MTTP: variants seen among roughly 807,000 people sequenced by gnomAD.
MTTP encodes the protein microsomal triglyceride transfer protein large subunit.
A neutral mutation model predicts 90.6 loss-of-function variants in MTTP; 49 were observed. That is an observed-to-expected ratio of 0.54 (90% confidence interval 0.43 to 0.69). MTTP has a LOEUF of 0.69. MTTP is among the 30% of genes least tolerant of loss of function. The pLI is 0.00. For synonymous variants in MTTP, 347 were observed against 384.2 expected (o/e 0.90, Z 1.13); for missense variants, 945 against 1,067.5 (o/e 0.89, Z 1.60).
At chr4:99,615,247 C>A (rs901552642) in intron 15 of MTTP, among the ~76,000 whole-genome samples, 8 of 152,220 alleles carry the variant, frequency 5.3e-5, no homozygotes, top group Non-Finnish European at 1.0e-4. Context: ...CCACTCAATT[C>A]TGTTACTGTA....
At position 99,613,033 on chromosome 4, in the gene MTTP, G is replaced by C; in HGVS notation, c.2110G>C (p.Val704Leu). The C allele has an allele frequency of 6.2e-7, 1 of 1,614,078 alleles. No homozygotes were observed. Among genetic ancestry groups the C allele is most frequent in the South Asian group, 1.1e-5 (1 of 91,080 alleles). ...CCTCTTTGATGTTCAGCTCAGACCT[G>C]TCACCTTTTTCAACGGATACAGTGA... ...AILFDVQLRP[V>L]TFFNGYSDLM... is the part of the protein sequence containing the mutation. The change falls in exon 15 of 18, where the codon GTC (valine) becomes CTC (leucine). Residue 704 changes from valine (V) to leucine (L), a missense_variant. By Grantham distance (32) the Val-to-Leu change is conservative. Coordinates refer to ENST00000265517, the MANE Select transcript of MTTP (RefSeq NM_001386140.1).
intron 1 of MTTP, among the ~76,000 whole-genome samples, chr4:99,581,621 CAA>C (rs112469528): frequency 6.6e-6 from 1 of 150,726 alleles, no homozygotes; most frequent in African/African-American, 2.4e-5. Context: ...GGCATTTAAA[CAA>C]AAAAAAACCC....
At chr4:99,596,353 C>CGAGA (rs1387608840) in intron 7 of MTTP, among the ~76,000 whole-genome samples, 1 of 151,958 alleles carries the variant, frequency 6.6e-6, no homozygotes, top group African/African-American at 2.4e-5. Flanking sequence ...GTTTCAAAGC[C>CGAGA]GAGAGATGCT....
Position 99,623,079 on chromosome 4 carries a change from C to T in MTTP, c.*231C>T. The T allele has an allele frequency of 1.8e-6, 1 of 555,618 alleles. No homozygotes were observed. Among genetic ancestry groups the T allele is most frequent in the Admixed American group, 3.0e-5 (1 of 33,388 alleles). The allele number at this position is 555,618 out of a possible 1,614,324, so 34.4% of individuals were successfully genotyped here. On this transcript the variant is annotated 3_prime_UTR_variant, in exon 18 of 18. Coordinates refer to ENST00000265517, the MANE Select transcript of MTTP (RefSeq NM_001386140.1). ...CGCTTTCAACAACGTTCTTAGTTTA[C>T]TTATACCTCTCTCAAATCTCATTTG...
rs773113790 is a variant in MTTP at position 99,600,555 on chromosome 4, T to A, written c.1068-10T>A. 3 of 1,613,076 alleles carry A rather than the reference T, an allele frequency of 1.9e-6. No individual in the cohort carries two copies. The highest frequency in any genetic ancestry group is 2.5e-6 in the Non-Finnish European group (3 of 1,179,222). On this transcript the variant is annotated splice_polypyrimidine_tract_variant and intron_variant, in intron 8 of 17. Transcript: ENST00000265517. Reference sequence around the variant, plus strand: ...AACATTGATATCCATGATTATGCCTTTTTTTATAGACCTCAGCTGGTGGAT... The same window carrying A: ...AACATTGATATCCATGATTATGCCTATTTTTATAGACCTCAGCTGGTGGAT...
At chr4:99,575,832 C>T (rs1724942876) in intron 1 of MTTP, among the ~76,000 whole-genome samples, 1 of 152,132 alleles carries the variant, frequency 6.6e-6, no homozygotes, top group Non-Finnish European at 1.5e-5. Context: ...GATATAACAA[C>T]ATAGCGTTAT....
intron 8 of MTTP, among the ~76,000 whole-genome samples, chr4:99,597,862 T>C (rs555027379): frequency 1.3e-5 from 2 of 152,360 alleles, no homozygotes; most frequent in South Asian, 4.1e-4. Context: ...TTTTAGTCTA[T>C]CATACAGAAT....
At chr4:99,577,480 C>A (rs1425356929) in intron 1 of MTTP, among the ~76,000 whole-genome samples, 10 of 151,884 alleles carry the variant, frequency 6.6e-5, no homozygotes, top group African/African-American at 2.4e-4. Flanking sequence ...TAGCGCATGC[C>A]TGTAATCCCA....
chr4:99,596,122 G>A (rs1725546252), intron 7 of MTTP, among the ~76,000 whole-genome samples: 1 of 152,006 alleles, frequency 6.6e-6, no homozygotes, highest in African/African-American at 2.4e-5. Flanking sequence ...CTTTAGCTAA[G>A]TGCAGCTGGA....
At chr4:99,587,860 T>G (rs1468610169) in intron 3 of MTTP, among the ~76,000 whole-genome samples, 1 of 152,138 alleles carries the variant, frequency 6.6e-6, no homozygotes, top group African/African-American at 2.4e-5. Flanking sequence ...GAAGGAGATA[T>G]AGTTTACAAA....
At chr4:99,616,081 C>A (rs1397710083) in intron 15 of MTTP, among the ~76,000 whole-genome samples, 1 of 152,054 alleles carries the variant, frequency 6.6e-6, no homozygotes, top group African/African-American at 2.4e-5. Context: ...TTTGTGATAG[C>A]CATGAATATT....
intron 15 of MTTP, among the ~76,000 whole-genome samples, chr4:99,614,103 T>C (rs1027383984): frequency 6.6e-6 from 1 of 152,200 alleles, no homozygotes. Flanking sequence ...GATGATTGGA[T>C]TGACTTGTAA....
intron 14 of MTTP, 47 bp from the exon 15 acceptor site, chr4:99,612,866 A>G: frequency 6.6e-7 from 1 of 1,522,862 alleles, no homozygotes; most frequent in Non-Finnish European, 9.1e-7. Context: ...TTATTTACAG[A>G]GCAGGCAGGG....
intron 15 of MTTP, among the ~76,000 whole-genome samples, chr4:99,618,560 A>G (rs1726151537): frequency 6.6e-6 from 1 of 152,160 alleles, no homozygotes; most frequent in Admixed American, 6.5e-5. Context: ...TTGTTAAAAC[A>G]TAGATTGCTA....
intron 15 of MTTP, among the ~76,000 whole-genome samples, chr4:99,615,084 G>A (rs1164036948): frequency 6.6e-5 from 10 of 152,208 alleles, no homozygotes; most frequent in African/African-American, 2.4e-4. Flanking sequence ...AACACCACCT[G>A]TATGTGCTTA....
chr4:99,621,082 T>C lies in MTTP; in HGVS notation c.2364T>C (p.Thr788=). ...TTAGGGTGACTGTGGTAATAACCAC[T>C]GACATCACAGTGGACTCCTCTTTTG... ...VKNRVTVVIT[T]DITVDSSFVK... Residue 788 remains threonine (T), a synonymous_variant, in exon 17 of 18, where the codon ACT becomes ACC. Transcript: ENST00000265517. 1 of 1,614,110 alleles carries C rather than the reference T, an allele frequency of 6.2e-7. No homozygotes were observed. Among genetic ancestry groups the C allele is most frequent in the Non-Finnish European group, 8.5e-7 (1 of 1,179,954 alleles).
At chr4:99,586,581 T>G (rs888282428) in intron 3 of MTTP, among the ~76,000 whole-genome samples, 4 of 152,164 alleles carry the variant, frequency 2.6e-5, no homozygotes, top group Admixed American at 6.6e-5. Context: ...TGTTGTATAT[T>G]TCTTTACTTG....
rs1329822852 is a variant in MTTP, at chr4:99,623,863, TGTG to T, written c.*1019_*1021del. The T allele has an allele frequency of 2.6e-5, 4 of 152,218 alleles. No homozygotes were observed. Among genetic ancestry groups the T allele is most frequent in the Non-Finnish European group, 5.9e-5 (4 of 68,040 alleles). 9.4% of individuals were successfully genotyped at this position (152,218 alleles called of 1,614,324 possible). ...TTGCAAATATTTATTAATAAACAGA[TGTG>T]GTGATAAACCCAAAACAAATGACAG... On this transcript the variant is annotated 3_prime_UTR_variant, in exon 18 of 18. Transcript: ENST00000265517.
chr4:99,594,147 G>A (rs941802249), intron 6 of MTTP, among the ~76,000 whole-genome samples: 1 of 152,186 alleles, frequency 6.6e-6, no homozygotes, highest in African/African-American at 2.4e-5. Flanking sequence ...CACATGTACT[G>A]ATAGTGTGCC....
Sources: gnomAD v4.1 joint callset for allele counts (sites outside exome capture counted in the v4.1 genomes callset) on GRCh38, gnomAD v4.1.1 for gene constraint, MANE v1.5 for transcripts, NCBI Gene and HGNC (gene_info 2026-07-23, HGNC 2026-07-21) for gene names.